SORCS2: variants seen among roughly 807,000 people sequenced by gnomAD.
The protein encoded by SORCS2 is sortilin related VPS10 domain containing receptor 2, also known as VPS10 domain-containing receptor SorCS2.
A neutral mutation model predicts 141.6 loss-of-function variants in SORCS2; 100 were observed. That is an observed-to-expected ratio of 0.71 (90% CI 0.60 to 0.83). SORCS2 has a LOEUF of 0.83. Among genes scored for constraint, SORCS2 ranks in the 40% least tolerant of loss-of-function variants. SORCS2 has a pLI of 0.00. For synonymous variants in SORCS2, 789 were observed against 676.9 expected (o/e 1.17, Z -2.57); for missense variants, 1,646 against 1,560.2 (o/e 1.05, Z -0.93).
intron 2 of SORCS2, among the ~76,000 whole-genome samples, chr4:7,445,276 A>G (rs1299418928): frequency 6.6e-6 from 1 of 152,138 alleles, no homozygotes; most frequent in Admixed American, 6.5e-5. Flanking sequence ...CAAGTACAGA[A>G]GTCACAGGCT....
rs569297665 is a variant in SORCS2, at chr4:7,217,532, G to T, written c.480+24406G>T. On this transcript the variant is annotated intron_variant, in intron 1 of 26. Transcript: ENST00000507866. ...AGGATGAAGGTTTTAAAGCCACCTG[G>T]AAGCAAAATTTGGCAAAACTTCCAC... Among the ~76,000 whole-genome samples the T allele has an allele frequency of 9.9e-4, 151 of 152,298 alleles. 1 individual carries two copies. The highest frequency in any genetic ancestry group is 3.5e-3 in the African/African-American group (146 of 41,548).
intron 19 of SORCS2, among the ~76,000 whole-genome samples, chr4:7,724,183 AGT>A (rs1726842074): frequency 8.0e-6 from 1 of 124,274 alleles, no homozygotes; most frequent in Non-Finnish European, 1.6e-5. Flanking sequence ...TGGTGATAGC[AGT>A]ACTGGTGGTG....
rs1401415515 is a variant in SORCS2, at chr4:7,593,763, G to A, written c.649-44565G>A. Reference sequence around the variant, plus strand: ...GCCAGCACAGGACCACTGCAGCTGAGCGGCTGTAACTTACTTTACAGAAAT... The same window carrying A: ...GCCAGCACAGGACCACTGCAGCTGAACGGCTGTAACTTACTTTACAGAAAT... On this transcript the variant is annotated intron_variant, in intron 3 of 26. Transcript: ENST00000507866. Among the ~76,000 whole-genome samples, 5 of 152,342 alleles carry A rather than the reference G, an allele frequency of 3.3e-5. No homozygotes were observed. The South Asian group carries it at 8.3e-4, about 25-fold the overall frequency.
intron 21 of SORCS2, 137 bp downstream of exon 21, chr4:7,727,040 A>T (rs1254044378): frequency 8.7e-6 from 10 of 1,146,570 alleles, no homozygotes; most frequent in Non-Finnish European, 1.2e-5. Context: ...GAGGGGCTGG[A>T]TAAACAGAGC....
intron 2 of SORCS2, among the ~76,000 whole-genome samples, chr4:7,448,284 C>G (rs974058124): frequency 6.6e-6 from 1 of 152,074 alleles, no homozygotes; most frequent in Non-Finnish European, 1.5e-5. Context: ...CCCACGTCAC[C>G]CAGTGTGGCC....
chr4:7,200,937 G>A (rs1339692924), intron 1 of SORCS2, among the ~76,000 whole-genome samples: 2 of 152,176 alleles, frequency 1.3e-5, no homozygotes, highest in South Asian at 4.1e-4. Flanking sequence ...GGCCCGGCTC[G>A]TGGTGGCTGT....
chr4:7,263,519 AC>A (rs1168735953), intron 1 of SORCS2, among the ~76,000 whole-genome samples: 12 of 152,166 alleles, frequency 7.9e-5, no homozygotes, highest in East Asian at 3.9e-4. Flanking sequence ...CTGATTGCGA[AC>A]CTGCTGTGTG....
chr4:7,491,489 C>A (rs796940206), intron 2 of SORCS2, among the ~76,000 whole-genome samples: 1 of 152,236 alleles, frequency 6.6e-6, no homozygotes, highest in East Asian at 1.9e-4. Context: ...GGCACCAGCA[C>A]GCGGCATGGC....
intron 2 of SORCS2, among the ~76,000 whole-genome samples, chr4:7,417,912 G>GT (rs1476467276): frequency 1.3e-5 from 2 of 152,228 alleles, no homozygotes; most frequent in Non-Finnish European, 2.9e-5. Context: ...CAAGTTTTCA[G>GT]TTGATGCCAC....
chr4:7,465,593 C>G (rs1484875346), intron 2 of SORCS2, among the ~76,000 whole-genome samples: 1 of 152,178 alleles, frequency 6.6e-6, no homozygotes, highest in Non-Finnish European at 1.5e-5. Flanking sequence ...GATATGTGTG[C>G]ACTTTTCTTT....
intron 1 of SORCS2, among the ~76,000 whole-genome samples, chr4:7,366,765 C>T (rs77946255): frequency 0.015 from 2,283 of 152,158 alleles, 55 homozygotes; most frequent in African/African-American, 0.048. Context: ...CATGTCTACC[C>T]CCCCAACCCC....
intron 1 of SORCS2, among the ~76,000 whole-genome samples, chr4:7,386,744 CAT>C (rs1723371688): frequency 1.1e-5 from 1 of 93,918 alleles, no homozygotes. Context: ...TATGCACACA[CAT>C]ACAGGTACAC....
chr4:7,501,426 C>T (rs931753765), intron 2 of SORCS2, among the ~76,000 whole-genome samples: 3 of 152,176 alleles, frequency 2.0e-5, no homozygotes, highest in African/African-American at 7.2e-5. Flanking sequence ...GGGCTCCTTA[C>T]TGTAGGACAC....
intron 2 of SORCS2, among the ~76,000 whole-genome samples, chr4:7,516,546 C>G (rs1431491242): frequency 6.6e-6 from 1 of 152,038 alleles, no homozygotes; most frequent in Admixed American, 6.5e-5. Context: ...TTGCAAAACA[C>G]AGTTCCATGT....
chr4:7,585,619 A>G (rs1716486717), intron 3 of SORCS2, among the ~76,000 whole-genome samples: 2 of 152,174 alleles, frequency 1.3e-5, no homozygotes, highest in Non-Finnish European at 2.9e-5. Context: ...TCACCATTTC[A>G]TCTTCTATCT....
At chr4:7,583,878 C>A (rs974129467) in intron 3 of SORCS2, among the ~76,000 whole-genome samples, 4 of 152,196 alleles carry the variant, frequency 2.6e-5, no homozygotes, top group Admixed American at 6.5e-5. Flanking sequence ...CCAGCTTCAG[C>A]ACAGCACAGA....
chr4:7,611,808 TAC>T (rs1210675163), intron 3 of SORCS2, among the ~76,000 whole-genome samples: 1 of 152,246 alleles, frequency 6.6e-6, no homozygotes, highest in South Asian at 2.1e-4. Flanking sequence ...TACACTTGCT[TAC>T]ACATTGTCAG....
intron 11 of SORCS2, among the ~76,000 whole-genome samples, chr4:7,691,754 A>T (rs192698277): frequency 6.6e-6 from 1 of 151,956 alleles, no homozygotes. Context: ...CCTCAATGAC[A>T]GGGTATTTAA....
intron 3 of SORCS2, among the ~76,000 whole-genome samples, chr4:7,576,178 G>C (rs1231284876): frequency 6.6e-6 from 1 of 152,218 alleles, no homozygotes; most frequent in Non-Finnish European, 1.5e-5. Context: ...TTCTCCTTCT[G>C]ACCAAAGCCA....
Sources: allele counts gnomAD v4.1 joint callset (sites outside exome capture counted in the v4.1 genomes callset), GRCh38; gene constraint gnomAD v4.1.1; transcripts MANE v1.5; gene names NCBI Gene and HGNC (gene_info 2026-07-23, HGNC 2026-07-21).